NSUN6: variants seen among roughly 807,000 people sequenced by gnomAD.
NSUN6 encodes the protein tRNA (cytosine(72)-C(5))-methyltransferase NSUN6.
A neutral mutation model predicts 58.0 loss-of-function variants in NSUN6; 64 were observed. The ratio of observed to expected loss-of-function variants is 1.10; its 90% CI spans 0.90 to 1.36. The LOEUF (loss-of-function observed/expected upper bound fraction) is 1.36. NSUN6 is among the 40% of genes most tolerant of loss of function. NSUN6 has a pLI of 0.00. For synonymous variants in NSUN6, 231 were observed against 193.9 expected, an observed-to-expected ratio of 1.19 and a Z score of -1.59; for missense variants, 701 against 550.1, an observed-to-expected ratio of 1.27 and a Z score of -2.74.
chr10:18,555,679 T>A (rs1472938748), intron 8 of NSUN6, among the ~76,000 whole-genome samples: 1 of 94,548 alleles, frequency 1.1e-5, no homozygotes, highest in Non-Finnish European at 2.2e-5. Context: ...GATGATGGTA[T>A]GGAGAATGGA....
In NSUN6 at chr10:18,631,066, G is replaced by C. The variant is rs2059013405; in HGVS notation, c.311+11410C>G. 2.6e-5 allele frequency among the ~76,000 whole-genome samples: 4 copies of C among 151,964 alleles called. No homozygotes were observed. In the South Asian group the frequency reaches 8.3e-4, roughly 32 times the overall value. ...AAAGCTTATCCACCATGATCAAGTG[G>C]GCTTCATCCCTGGGATGCAAGGCTG... On this transcript the variant is annotated intron_variant, in intron 3 of 10. Transcript: ENST00000377304.
chr10:18,630,497 T>G (rs2058989010), intron 3 of NSUN6, among the ~76,000 whole-genome samples: 1 of 151,972 alleles, frequency 6.6e-6, no homozygotes, highest in Non-Finnish European at 1.5e-5. Context: ...ACAAAATTGA[T>G]AGACCGCTAG....
Position 18,545,924 on chromosome 10 carries a change from A to G in NSUN6, c.*9T>C, listed in dbSNP as rs765252844. ...TTGGAATTTTCATTTCTGAGCATCC[A>G]TCCCTCTCCTATGTGCTTTTGCATT... On this transcript the variant is annotated 3_prime_UTR_variant, in exon 11 of 11. Transcript: ENST00000377304. 1.4e-6 allele frequency: 2 copies of G among 1,430,286 alleles called. No homozygotes were observed. Among genetic ancestry groups the G allele is most frequent in the Non-Finnish European group, 1.9e-6 (2 of 1,028,026 alleles). The allele number at this position is 1,430,286 out of a possible 1,614,324, so 88.6% of individuals were successfully genotyped here.
At chr10:18,627,568 C>A (rs1326640151) in intron 3 of NSUN6, among the ~76,000 whole-genome samples, 1 of 152,150 alleles carries the variant, frequency 6.6e-6, no homozygotes, top group African/African-American at 2.4e-5. Context: ...CGTGCCCGAG[C>A]CAAAGCAGGG....
intron 8 of NSUN6, among the ~76,000 whole-genome samples, chr10:18,560,667 A>AGAATG (rs1210845863): frequency 6.8e-6 from 1 of 148,106 alleles, no homozygotes; most frequent in Non-Finnish European, 1.5e-5. Context: ...TGGAGAATGG[A>AGAATG]GAATGGAATG....
chr10:18,562,030 T>A (rs962705198), intron 8 of NSUN6, among the ~76,000 whole-genome samples: 1 of 149,078 alleles, frequency 6.7e-6, no homozygotes, highest in African/African-American at 2.5e-5. Flanking sequence ...TGGAATGGAA[T>A]GCGGAATGGA....
chr10:18,657,909 G>C, upstream of NSUN6, among the ~76,000 whole-genome samples: 1 of 151,098 alleles, frequency 6.6e-6, no homozygotes, highest in Non-Finnish European at 1.5e-5. Context: ...CCAGCGCCCA[G>C]CCAAATGTCT....
intron 3 of NSUN6, among the ~76,000 whole-genome samples, chr10:18,623,812 A>C (rs2058693047): frequency 6.6e-6 from 1 of 152,198 alleles, no homozygotes; most frequent in African/African-American, 2.4e-5. Flanking sequence ...AAAAGGTATG[A>C]GCTAAAGCCT....
chr10:18,648,793 T>A (rs3740104), intron 1 of NSUN6, 148 bp from the exon 2 acceptor site: 2 of 509,900 alleles, frequency 3.9e-6, no homozygotes, highest in South Asian at 7.0e-5. Flanking sequence ...TAATAGCAAC[T>A]AAGGAAATAG....
At chr10:18,564,780 C>CTCCAT (rs1386968820) in intron 8 of NSUN6, among the ~76,000 whole-genome samples, 1 of 56,904 alleles carries the variant, frequency 1.8e-5, no homozygotes, top group East Asian at 2.4e-3. Context: ...CCATTCCATT[C>CTCCAT]TCCATTCCAT....
At chr10:18,586,849 T>C (rs984289081) in intron 7 of NSUN6, among the ~76,000 whole-genome samples, 1 of 152,172 alleles carries the variant, frequency 6.6e-6, no homozygotes, top group Non-Finnish European at 1.5e-5. Flanking sequence ...TATTGGTCCA[T>C]TTTACAGAGC....
At chr10:18,570,725 C>A (rs1024020852) in intron 8 of NSUN6, among the ~76,000 whole-genome samples, 2 of 146,060 alleles carry the variant, frequency 1.4e-5, no homozygotes, top group African/African-American at 5.0e-5. Context: ...ATTCCATTCT[C>A]CACTCCATTT....
At chr10:18,644,624 CAGG>C (rs1332993187) in intron 2 of NSUN6, among the ~76,000 whole-genome samples, 1 of 149,854 alleles carries the variant, frequency 6.7e-6, no homozygotes. Context: ...ATCACGAGGT[CAGG>C]AGATCGAGAC....
At chr10:18,590,472 G>A (rs2131157258) in intron 7 of NSUN6, among the ~76,000 whole-genome samples, 1 of 152,224 alleles carries the variant, frequency 6.6e-6, no homozygotes, top group Middle Eastern at 3.4e-3. Flanking sequence ...AGTGCCACAT[G>A]GCACTTATTC....
chr10:18,572,909 TTCCATTCCATCC>T (rs938957696), intron 8 of NSUN6, among the ~76,000 whole-genome samples: 4 of 150,418 alleles, frequency 2.7e-5, no homozygotes, highest in Non-Finnish European at 5.9e-5. Context: ...CCATTTTCCA[TTCCATTCCATCC>T]TCCATTCCAT....
intron 1 of NSUN6, among the ~76,000 whole-genome samples, chr10:18,650,100 A>G (rs1469298184): frequency 6.6e-6 from 1 of 152,264 alleles, no homozygotes; most frequent in Non-Finnish European, 1.5e-5. Flanking sequence ...ATAAAAGACA[A>G]TCAACATTTA....
chr10:18,593,184 A>G (rs1292792667), intron 7 of NSUN6, among the ~76,000 whole-genome samples: 8 of 152,216 alleles, frequency 5.3e-5, no homozygotes, highest in African/African-American at 1.9e-4. Context: ...TTGAATGGCG[A>G]TTAAAAAGTC....
intron 3 of NSUN6, among the ~76,000 whole-genome samples, chr10:18,635,299 T>C (rs796117433): frequency 5.3e-5 from 8 of 152,364 alleles, no homozygotes; most frequent in African/African-American, 1.9e-4. Context: ...TGCTTTTGTA[T>C]GCTTTCATGT....
At position 18,545,872 on chromosome 10, in the gene NSUN6, A is replaced by AAAAAAAAAC; in HGVS notation, c.*60_*61insGTTTTTTTT. 3 of 1,032,898 alleles carry AAAAAAAAAC rather than the reference A, an allele frequency of 2.9e-6. No individual in the cohort carries two copies. In the East Asian group the frequency reaches 7.2e-5, roughly 25 times the overall value. The allele number at this position is 1,032,898 out of a possible 1,614,324, so 64.0% of individuals were successfully genotyped here. ...TTGGCCTGACAACACTTTGGTTAAAAAAAAAAAAACCACAGACAGCAAATG... is the reference window on the plus strand; with the variant it reads ...TTGGCCTGACAACACTTTGGTTAAAAAAAAAAAACAAAAAAAAACCACAGACAGCAAATG... On this transcript the variant is annotated 3_prime_UTR_variant, in exon 11 of 11. Coordinates refer to ENST00000377304, the MANE Select transcript of NSUN6 (RefSeq NM_182543.5).
Sources: gnomAD v4.1 joint callset for allele counts (sites outside exome capture counted in the v4.1 genomes callset) on GRCh38, gnomAD v4.1.1 for gene constraint, MANE v1.5 for transcripts, NCBI Gene and HGNC (gene_info 2026-07-23, HGNC 2026-07-21) for gene names.